ADAMTSL3: variants seen among roughly 807,000 people sequenced by gnomAD.
The protein encoded by ADAMTSL3 is ADAMTS like 3, also known as ADAMTS-like protein 3.
A neutral mutation model predicts 201.7 loss-of-function variants in ADAMTSL3; 128 were observed. The observed-to-expected ratio is 0.63, with a 90% CI of 0.55 to 0.73. The LOEUF is 0.73. Among genes scored for constraint, ADAMTSL3 ranks in the 30% least tolerant of loss-of-function variants. ADAMTSL3 has a pLI of 0.00. For missense variants in ADAMTSL3, 1,990 were observed against 2,119.6 expected (o/e 0.94, Z 1.20); for synonymous variants, 738 against 748.4 (o/e 0.99, Z 0.23).
intron 25 of ADAMTSL3, among the ~76,000 whole-genome samples, chr15:84,017,743 A>G (rs1345666741): frequency 6.6e-6 from 1 of 152,204 alleles, no homozygotes; most frequent in Non-Finnish European, 1.5e-5. Flanking sequence ...TTGTATACCC[A>G]AATATCCATT....
chr15:84,023,482 G>T (rs2030515814), intron 26 of ADAMTSL3, among the ~76,000 whole-genome samples: 1 of 152,018 alleles, frequency 6.6e-6, no homozygotes, highest in Admixed American at 6.6e-5. Flanking sequence ...TTCTTAGGAG[G>T]GTTATCAATA....
At chr15:84,030,558 T>A (rs2068388563) in intron 27 of ADAMTSL3, among the ~76,000 whole-genome samples, 1 of 152,174 alleles carries the variant, frequency 6.6e-6, no homozygotes, top group South Asian at 2.1e-4. Context: ...GTAACTAACT[T>A]ACTTTTCATG....
At chr15:83,733,371 T>C (rs962395331) in intron 3 of ADAMTSL3, among the ~76,000 whole-genome samples, 1 of 152,136 alleles carries the variant, frequency 6.6e-6, no homozygotes, top group African/African-American at 2.4e-5. Flanking sequence ...AAGGTTCTCT[T>C]CCTGGGGGTG....
At chr15:83,830,306 T>G (rs2064128216) in intron 6 of ADAMTSL3, among the ~76,000 whole-genome samples, 2 of 152,002 alleles carry the variant, frequency 1.3e-5, no homozygotes, top group South Asian at 4.1e-4. Flanking sequence ...GGGGACTGAG[T>G]AAGAAGGACA....
intron 17 of ADAMTSL3, among the ~76,000 whole-genome samples, chr15:83,938,529 C>T (rs1156837443): frequency 6.6e-6 from 1 of 151,986 alleles, no homozygotes; most frequent in Non-Finnish European, 1.5e-5. Context: ...ATAAAGCTGT[C>T]ATTTTAAAAA....
intron 9 of ADAMTSL3, among the ~76,000 whole-genome samples, chr15:83,875,599 A>G (rs149619630): frequency 6.6e-5 from 10 of 152,272 alleles, no homozygotes; most frequent in African/African-American, 2.2e-4. Context: ...CCTGGCCAAC[A>G]TGGTGAAACC....
At chr15:83,818,066 A>G (rs2063796823) in intron 5 of ADAMTSL3, among the ~76,000 whole-genome samples, 1 of 152,176 alleles carries the variant, frequency 6.6e-6, no homozygotes, top group South Asian at 2.1e-4. Flanking sequence ...TCTGATTGGA[A>G]AAAAAACTAG....
chr15:83,828,691 A>G (rs1596284758), intron 6 of ADAMTSL3, among the ~76,000 whole-genome samples: 1 of 152,082 alleles, frequency 6.6e-6, no homozygotes, highest in South Asian at 2.1e-4. Flanking sequence ...ATTATTTTGA[A>G]ATACATCCCA....
At chr15:83,793,175 G>T (rs1426251188) in intron 4 of ADAMTSL3, among the ~76,000 whole-genome samples, 1 of 152,186 alleles carries the variant, frequency 6.6e-6, no homozygotes, top group Non-Finnish European at 1.5e-5. Flanking sequence ...GTTGCTAGGG[G>T]TTAAGATGGT....
intron 28 of ADAMTSL3, among the ~76,000 whole-genome samples, chr15:84,033,816 A>G (rs2068450705): frequency 6.6e-6 from 1 of 152,224 alleles, no homozygotes; most frequent in Admixed American, 6.5e-5. Context: ...AATCAAAGGT[A>G]GCAAAAAATA....
At chr15:83,839,280 G>A (rs546477186) in intron 7 of ADAMTSL3, among the ~76,000 whole-genome samples, 3 of 152,316 alleles carry the variant, frequency 2.0e-5, no homozygotes, top group South Asian at 2.1e-4. Context: ...TGCGGGAGGG[G>A]TGGAGGGTTT....
chr15:83,914,892 T>G (rs1307252721), intron 16 of ADAMTSL3, among the ~76,000 whole-genome samples: 3 of 152,090 alleles, frequency 2.0e-5, no homozygotes, highest in African/African-American at 4.8e-5. Context: ...TTTTTGTGGG[T>G]TTTTTTATGT....
chr15:83,962,799 T>C (rs914750475), intron 19 of ADAMTSL3, among the ~76,000 whole-genome samples: 2 of 152,194 alleles, frequency 1.3e-5, no homozygotes, highest in Non-Finnish European at 2.9e-5. Flanking sequence ...GTGATTTCTG[T>C]ATGTCCAACA....
chr15:83,905,681 C>T (rs1033626035), intron 15 of ADAMTSL3, among the ~76,000 whole-genome samples: 6 of 152,210 alleles, frequency 3.9e-5, no homozygotes, highest in Non-Finnish European at 8.8e-5. Context: ...CAATTATTCA[C>T]AATGATAAAT....
chr15:83,807,375 G>A (rs1422242568), intron 5 of ADAMTSL3, among the ~76,000 whole-genome samples: 2 of 152,226 alleles, frequency 1.3e-5, no homozygotes, highest in Non-Finnish European at 2.9e-5. Context: ...AGAATCACTC[G>A]AACCCGGGAG....
intron 3 of ADAMTSL3, among the ~76,000 whole-genome samples, chr15:83,753,573 G>A (rs1192742531): frequency 1.3e-5 from 2 of 152,122 alleles, no homozygotes; most frequent in Non-Finnish European, 2.9e-5. Flanking sequence ...TATGTGAAAT[G>A]GCTAACCATG....
chr15:83,880,830 G>A (rs950612204), intron 9 of ADAMTSL3, among the ~76,000 whole-genome samples: 2 of 152,170 alleles, frequency 1.3e-5, no homozygotes, highest in Admixed American at 1.3e-4. Flanking sequence ...TGCAGGAGGT[G>A]GTAATGGTGT....
intron 19 of ADAMTSL3, among the ~76,000 whole-genome samples, chr15:83,956,767 CAT>C (rs1261378171): frequency 1.3e-4 from 20 of 152,270 alleles, no homozygotes; most frequent in African/African-American, 4.6e-4. Context: ...CATTTCTGCA[CAT>C]GTTTGTATCC....
chr15:84,030,018 G>C (rs888359440), intron 27 of ADAMTSL3, among the ~76,000 whole-genome samples: 1 of 152,262 alleles, frequency 6.6e-6, no homozygotes, highest in Non-Finnish European at 1.5e-5. Flanking sequence ...GATTTCAGAG[G>C]AATGTATGGA....
Sources: allele counts gnomAD v4.1 joint callset (sites outside exome capture counted in the v4.1 genomes callset), GRCh38; gene constraint gnomAD v4.1.1; transcripts MANE v1.5; gene names NCBI Gene and HGNC (gene_info 2026-07-23, HGNC 2026-07-21).